The following DLC1 variants were observed in gnomAD, a reference collection of about 807,000 sequenced individuals.
The protein encoded by DLC1 is rho GTPase-activating protein 7.
Under a neutral mutation model 140.3 loss-of-function variants are expected in DLC1, and 54 were observed. The observed-to-expected ratio is 0.38, with a 90% CI of 0.31 to 0.48. The LOEUF is 0.48. Among genes scored for constraint, DLC1 ranks in the 20% least tolerant of loss-of-function variants. The pLI is 0.96. For synonymous variants in DLC1, 986 were observed against 728.1 expected (o/e 1.35, Z -5.70); for missense variants, 2,536 against 1,907.0 (o/e 1.33, Z -6.14).
At chr8:13,088,769 T>A in intron 15 of DLC1, 65 bp from the exon 16 acceptor site, 1 of 1,463,264 alleles carries the variant, frequency 6.8e-7, no homozygotes, top group South Asian at 1.2e-5. Context: ...TGAAGTCGAA[T>A]TGTTAGTTAG....
intron 4 of DLC1, among the ~76,000 whole-genome samples, chr8:13,388,923 G>T (rs1836636391): frequency 6.6e-6 from 1 of 151,886 alleles, no homozygotes; most frequent in Admixed American, 6.6e-5. Context: ...AAATATTAGT[G>T]ACATTTTGTT....
rs1294942618 is a variant in DLC1 at position 13,133,236 on chromosome 8, G to A, written c.1349-17579C>T. Reference sequence around the variant, plus strand: ...CGGCGCTCCTGATGCGGAGAGGTGCGGCCATGTCCTGGCTGGGAGCGAAGC... The same window carrying A: ...CGGCGCTCCTGATGCGGAGAGGTGCAGCCATGTCCTGGCTGGGAGCGAAGC... On this transcript the variant is annotated intron_variant, in intron 5 of 17. Transcript: ENST00000276297. 14 of 1,396,364 alleles carry A rather than the reference G, an allele frequency of 1.0e-5. No individual in the cohort carries two copies. In the South Asian group the frequency reaches 1.7e-4, roughly 17 times the overall value. The allele number at this position is 1,396,364 out of a possible 1,614,324, so 86.5% of individuals were successfully genotyped here.
intron 5 of DLC1, among the ~76,000 whole-genome samples, chr8:13,157,591 G>C (rs1219507262): frequency 1.3e-5 from 2 of 152,172 alleles, no homozygotes; most frequent in African/African-American, 4.8e-5. Flanking sequence ...GCTGACTGAA[G>C]AAGGGTCAAG....
intron 7 of DLC1, among the ~76,000 whole-genome samples, chr8:13,103,990 TA>T (rs1229333411): frequency 6.6e-6 from 1 of 152,154 alleles, no homozygotes; most frequent in Non-Finnish European, 1.5e-5. Context: ...AACTCAAATT[TA>T]AAAAATTAGT....
intron 5 of DLC1, among the ~76,000 whole-genome samples, chr8:13,252,150 G>T (rs960752785): frequency 5.3e-5 from 8 of 152,054 alleles, no homozygotes; most frequent in Non-Finnish European, 1.2e-4. Context: ...GTAACATTTT[G>T]ATTAAATTAA....
chr8:13,391,506 C>T (rs1262317669), intron 4 of DLC1, among the ~76,000 whole-genome samples: 1 of 150,552 alleles, frequency 6.6e-6, no homozygotes, highest in Non-Finnish European at 1.5e-5. Context: ...CAATTGATGG[C>T]AAAACAAAAA....
At chr8:13,372,654 C>G (rs1397916518) in intron 4 of DLC1, among the ~76,000 whole-genome samples, 1 of 152,102 alleles carries the variant, frequency 6.6e-6, no homozygotes, top group Non-Finnish European at 1.5e-5. Flanking sequence ...TAAACTATTT[C>G]CTCATCTTTG....
chr8:13,427,958 G>T (rs544527424), intron 2 of DLC1, among the ~76,000 whole-genome samples: 1 of 152,198 alleles, frequency 6.6e-6, no homozygotes, highest in South Asian at 2.1e-4. Context: ...TGACCATCTG[G>T]CCAGAAATCC....
At position 13,124,307 on chromosome 8, in the gene DLC1, T is replaced by C. The variant is rs564486543; in HGVS notation, c.1349-8650A>G. Among the ~76,000 whole-genome samples, 23 of 152,250 alleles carry C rather than the reference T, an allele frequency of 1.5e-4. No homozygotes were observed. The East Asian group carries it at 4.1e-3, about 27-fold the overall frequency. ...TCCTTTATTTAAGGAAGCATTATGA[T>C]CTTGGATATGAAACTGGATTGCAGG... On this transcript the variant is annotated intron_variant, in intron 5 of 17. Coordinates refer to ENST00000276297, the MANE Select transcript of DLC1 (RefSeq NM_182643.3).
At chr8:13,566,802 G>T (rs1207400931) in intron 1 of DLC1, 10 of 711,918 alleles carry the variant, frequency 1.4e-5, no homozygotes, top group South Asian at 2.7e-5. Context: ...GCGGGACGCC[G>T]CATGGTGGCC....
At chr8:13,596,820 A>C (rs1271865127) in intron 1 of DLC1, among the ~76,000 whole-genome samples, 1 of 152,002 alleles carries the variant, frequency 6.6e-6, no homozygotes, top group Non-Finnish European at 1.5e-5. Flanking sequence ...CTTAGCAAAA[A>C]CACTTGTCAT....
intron 10 of DLC1, chr8:13,096,184 G>A (rs1265829032): frequency 1.3e-5 from 2 of 152,228 alleles, no homozygotes; most frequent in African/African-American, 2.4e-5. Flanking sequence ...CCCACCATGT[G>A]AGGCTTTTAC....
chr8:13,137,930 G>A (rs1822693824), intron 5 of DLC1, among the ~76,000 whole-genome samples: 1 of 152,070 alleles, frequency 6.6e-6, no homozygotes, highest in African/African-American at 2.4e-5. Flanking sequence ...GTTCACAGGG[G>A]TATCCGTGGC....
intron 5 of DLC1, among the ~76,000 whole-genome samples, chr8:13,283,078 A>G (rs1831418900): frequency 6.6e-6 from 1 of 152,230 alleles, no homozygotes; most frequent in Non-Finnish European, 1.5e-5. Context: ...ATACTCAGGC[A>G]TATACATTCA....
chr8:13,346,807 G>T (rs950624480), intron 4 of DLC1, among the ~76,000 whole-genome samples: 16 of 152,208 alleles, frequency 1.1e-4, no homozygotes, highest in Admixed American at 9.2e-4. Flanking sequence ...TTCTGACAAG[G>T]TTCTATCTCC....
intron 1 of DLC1, among the ~76,000 whole-genome samples, chr8:13,555,718 T>A (rs1442085669): frequency 2.0e-5 from 3 of 151,774 alleles, no homozygotes; most frequent in Non-Finnish European, 4.4e-5. Flanking sequence ...GCCAGGCTGG[T>A]CTCAAACTCC....
At chr8:13,431,720 A>G (rs779744249) in intron 2 of DLC1, among the ~76,000 whole-genome samples, 3 of 151,926 alleles carry the variant, frequency 2.0e-5, no homozygotes, top group Non-Finnish European at 2.9e-5. Flanking sequence ...ATACGGACTG[A>G]TGGGTTAGAA....
chr8:13,193,253 A>T (rs6983112), intron 5 of DLC1, among the ~76,000 whole-genome samples: 99,283 of 152,010 alleles, frequency 0.65, 32,739 homozygotes, highest in East Asian at 0.86. Context: ...AAAGACCATA[A>T]CTTTTCTTCC....
chr8:13,095,806 T>A (rs1042099469), intron 10 of DLC1: 4 of 153,574 alleles, frequency 2.6e-5, no homozygotes, highest in African/African-American at 9.7e-5. Context: ...AAGGCGCAGA[T>A]AACACATGAT....
Sources: gnomAD v4.1 joint callset for allele counts (sites outside exome capture counted in the v4.1 genomes callset) on GRCh38, gnomAD v4.1.1 for gene constraint, MANE v1.5 for transcripts, NCBI Gene and HGNC (gene_info 2026-07-23, HGNC 2026-07-21) for gene names.